RFC3: variants seen among roughly 807,000 people sequenced by gnomAD.
The protein encoded by RFC3 is replication factor C subunit 3, also known as A1 38 kDa subunit.
RFC3 carries 41 observed loss-of-function variants against 45.1 expected under a neutral mutation model. That is an observed-to-expected ratio of 0.91 (90% CI 0.71 to 1.18). The LOEUF (loss-of-function observed/expected upper bound fraction) is 1.18. RFC3 is among the 50% of genes most tolerant of loss of function. The probability of loss-of-function intolerance (pLI) is 0.00; values close to 1 mark genes in which losing one functional copy is unlikely to be tolerated. For synonymous variants in RFC3, 149 were observed against 144.0 expected, an observed-to-expected ratio of 1.03 and a Z score of -0.25; for missense variants, 423 against 428.1, an observed-to-expected ratio of 0.99 and a Z score of 0.10.
At chr13:33,952,106 T>G (rs1026920669) in intron 8 of RFC3, among the ~76,000 whole-genome samples, 3 of 152,204 alleles carry the variant, frequency 2.0e-5, no homozygotes, top group Admixed American at 1.3e-4. Flanking sequence ...CCACAAGAGA[T>G]TCTGAAATGA....
intron 8 of RFC3, among the ~76,000 whole-genome samples, chr13:33,870,790 C>G (rs1486786787): frequency 1.3e-5 from 2 of 152,170 alleles, no homozygotes; most frequent in African/African-American, 4.8e-5. Context: ...GTATACTAGT[C>G]AAACAGATCC....
chr13:33,881,906 A>G (rs1258156858), intron 8 of RFC3, among the ~76,000 whole-genome samples: 1 of 152,256 alleles, frequency 6.6e-6, no homozygotes, highest in Non-Finnish European at 1.5e-5. Context: ...GCACTGTGGT[A>G]TAAAGAGCCC....
intron 8 of RFC3, among the ~76,000 whole-genome samples, chr13:33,921,639 G>A (rs1267229969): frequency 3.9e-5 from 6 of 152,066 alleles, no homozygotes; most frequent in Non-Finnish European, 8.8e-5. Flanking sequence ...GAGGGTCCCT[G>A]ATGGTGCAGC....
chr13:33,844,328 A>G (rs1292965368), intron 8 of RFC3, among the ~76,000 whole-genome samples: 1 of 152,196 alleles, frequency 6.6e-6, no homozygotes, highest in East Asian at 1.9e-4. Context: ...TAAATGCCTT[A>G]AAAATGAAAA....
chr13:33,909,484 C>T (rs967164486), intron 8 of RFC3, among the ~76,000 whole-genome samples: 1 of 151,992 alleles, frequency 6.6e-6, no homozygotes, highest in Non-Finnish European at 1.5e-5. Context: ...TAAGCTCTTC[C>T]TCCTATTGTT....
At chr13:33,874,278 G>T (rs889276099) in intron 8 of RFC3, among the ~76,000 whole-genome samples, 9 of 152,160 alleles carry the variant, frequency 5.9e-5, no homozygotes, top group African/African-American at 2.2e-4. Context: ...CACTGGCCCA[G>T]CAATGCCACT....
intron 8 of RFC3, among the ~76,000 whole-genome samples, chr13:33,937,905 G>T (rs981179609): frequency 1.3e-5 from 2 of 152,026 alleles, no homozygotes; most frequent in African/African-American, 4.8e-5. Context: ...GGCTCTCCTA[G>T]TGTCTCAGCT....
At chr13:33,934,731 TG>T (rs2082875431) in intron 8 of RFC3, among the ~76,000 whole-genome samples, 2 of 152,170 alleles carry the variant, frequency 1.3e-5, no homozygotes. Flanking sequence ...ATCTGGTTTT[TG>T]TTTTGTTTTG....
chr13:33,829,775 G>C, intron 4 of RFC3, 61 bp from the exon 5 acceptor site: 1 of 1,278,002 alleles, frequency 7.8e-7, no homozygotes, highest in South Asian at 1.2e-5. Flanking sequence ...AAGGAAGAAA[G>C]AGACAAGTTA....
At chr13:33,885,397 G>T (rs1358121561) in intron 8 of RFC3, among the ~76,000 whole-genome samples, 1 of 151,556 alleles carries the variant, frequency 6.6e-6, no homozygotes, top group African/African-American at 2.4e-5. Context: ...TGCATATACT[G>T]CATAGTGATA....
intron 8 of RFC3, among the ~76,000 whole-genome samples, chr13:33,953,815 C>T (rs546875392): frequency 2.6e-5 from 4 of 152,090 alleles, no homozygotes; most frequent in Middle Eastern, 3.4e-3. Context: ...AATTTTGATG[C>T]GACATTTTAG....
At chr13:33,826,795 T>C (rs1017423964) in intron 4 of RFC3, among the ~76,000 whole-genome samples, 1 of 152,152 alleles carries the variant, frequency 6.6e-6, no homozygotes, top group African/African-American at 2.4e-5. Flanking sequence ...TTTTTCCTTT[T>C]TCCAATTTTT....
chr13:33,906,638 T>G (rs1257999658), intron 8 of RFC3, among the ~76,000 whole-genome samples: 1 of 152,138 alleles, frequency 6.6e-6, no homozygotes, highest in East Asian at 1.9e-4. Context: ...GATCTTTATT[T>G]TTTTGTTACA....
chr13:33,956,587 A>T (rs117511632), intron 8 of RFC3, among the ~76,000 whole-genome samples: 82 of 152,338 alleles, frequency 5.4e-4, no homozygotes, highest in Non-Finnish European at 9.0e-4. Flanking sequence ...CCTTAAATGC[A>T]TGACTGTTAT....
At position 33,900,881 on chromosome 13, in the gene RFC3, A is replaced by G. The variant is rs899232631; in HGVS notation, c.880-65206A>G. On this transcript the variant is annotated intron_variant, in intron 8 of 8. Transcript: ENST00000434425. ...ATAATAATCCAATTGAAAATGGACA[A>G]AAAATGTGATTAGACTTGTCTCAGA... 2.6e-5 allele frequency among the ~76,000 whole-genome samples: 4 copies of G among 152,032 alleles called. No individual in the cohort carries two copies. In the East Asian group the frequency reaches 7.7e-4, roughly 29 times the overall value.
At position 33,930,129 on chromosome 13, in the gene RFC3, G is replaced by T. The variant is rs1358936151; in HGVS notation, c.880-35958G>T. Among the ~76,000 whole-genome samples, 3 of 152,202 alleles carry T rather than the reference G, an allele frequency of 2.0e-5. No homozygotes were observed. The East Asian group carries it at 5.8e-4, about 29-fold the overall frequency. ...TATTAGCTAATTCATCTATCAGCTT[G>T]TATTAGGGTTCTCTAGAGGAACAGA... On this transcript the variant is annotated intron_variant, in intron 8 of 8. Transcript: ENST00000434425.
At chr13:33,939,278 T>C (rs1163502957) in intron 8 of RFC3, among the ~76,000 whole-genome samples, 1 of 152,180 alleles carries the variant, frequency 6.6e-6, no homozygotes, top group Non-Finnish European at 1.5e-5. Context: ...TGACTCAAGG[T>C]AGAAAGACCA....
At chr13:33,844,252 G>A (rs911280604) in intron 8 of RFC3, among the ~76,000 whole-genome samples, 8 of 152,140 alleles carry the variant, frequency 5.3e-5, no homozygotes, top group African/African-American at 1.9e-4. Context: ...AATCCAATAA[G>A]ACAGTAAAGT....
chr13:33,969,910 G>GTTT (rs61104193), downstream of RFC3, among the ~76,000 whole-genome samples: 360 of 130,428 alleles, frequency 2.8e-3, 3 homozygotes, highest in African/African-American at 9.2e-3. Flanking sequence ...TGTCAGATTT[G>GTTT]TTTTTTTTTT....
Sources: allele counts gnomAD v4.1 joint callset (sites outside exome capture counted in the v4.1 genomes callset), GRCh38; gene constraint gnomAD v4.1.1; transcripts MANE v1.5; gene names NCBI Gene and HGNC (gene_info 2026-07-23, HGNC 2026-07-21).